RAP1GAP2: variants seen among roughly 807,000 people sequenced by gnomAD.
The protein encoded by RAP1GAP2 is RAP1 GTPase activating protein 2.
Under a neutral mutation model 95.0 loss-of-function variants are expected in RAP1GAP2, and 27 were observed. That is an observed-to-expected ratio of 0.28 (90% CI 0.21 to 0.39). The LOEUF (loss-of-function observed/expected upper bound fraction) is 0.39. Ranked by LOEUF, RAP1GAP2 falls within the 10% of genes least tolerant of loss-of-function variation. The probability of loss-of-function intolerance (pLI) is 1.00; values close to 1 mark genes in which losing one functional copy is unlikely to be tolerated. For synonymous variants in RAP1GAP2, 373 were observed against 380.9 expected (o/e 0.98, Z 0.24); for missense variants, 771 against 970.0 (o/e 0.79, Z 2.72).
intron 2 of RAP1GAP2, among the ~76,000 whole-genome samples, chr17:2,900,554 G>T (rs2041994603): frequency 6.6e-6 from 1 of 151,952 alleles, no homozygotes; most frequent in African/African-American, 2.4e-5. Context: ...CGATTCTCCT[G>T]CCTCAGCCTC....
rs570839492 is a variant in RAP1GAP2 at position 2,953,919 on chromosome 17, C to G, written c.166-3840C>G. On this transcript the variant is annotated intron_variant, in intron 3 of 24. Transcript: ENST00000254695. ...GGTATTCACGGAGCTGTGTAACCACCATCATAATCAGTTTTAGAACCTTTT... is the reference window on the plus strand; with the variant it reads ...GGTATTCACGGAGCTGTGTAACCACGATCATAATCAGTTTTAGAACCTTTT... Among the ~76,000 whole-genome samples the G allele has an allele frequency of 2.6e-5, 4 of 152,246 alleles. No homozygotes were observed. In the South Asian group the frequency reaches 8.3e-4, roughly 32 times the overall value.
chr17:2,917,544 A>G (rs1319648097), intron 3 of RAP1GAP2, among the ~76,000 whole-genome samples: 2 of 151,962 alleles, frequency 1.3e-5, no homozygotes, highest in Admixed American at 6.6e-5. Flanking sequence ...TGCTGGGATT[A>G]TAAGTGTGAG....
intron 2 of RAP1GAP2, among the ~76,000 whole-genome samples, chr17:2,840,140 G>A (rs1192357622): frequency 6.6e-6 from 1 of 151,864 alleles, no homozygotes; most frequent in Non-Finnish European, 1.5e-5. Context: ...CCATTGTAAA[G>A]TTATTCTTTA....
chr17:3,015,979 G>C (rs1336667525), intron 17 of RAP1GAP2, among the ~76,000 whole-genome samples: 1 of 152,138 alleles, frequency 6.6e-6, no homozygotes, highest in Non-Finnish European at 1.5e-5. Flanking sequence ...TAGTCCTTCT[G>C]CATCAGCTTT....
At chr17:2,919,629 T>TG (rs1248637116) in intron 3 of RAP1GAP2, among the ~76,000 whole-genome samples, 1 of 152,152 alleles carries the variant, frequency 6.6e-6, no homozygotes, top group Non-Finnish European at 1.5e-5. Flanking sequence ...GCCCATGGTC[T>TG]GGGGGGTCTG....
At chr17:2,952,710 T>C (rs2043961083) in intron 3 of RAP1GAP2, among the ~76,000 whole-genome samples, 1 of 152,212 alleles carries the variant, frequency 6.6e-6, no homozygotes, top group Admixed American at 6.6e-5. Context: ...GATCTTAATT[T>C]CTTTCATAAC....
chr17:2,818,102 C>A (rs1204896919), intron 2 of RAP1GAP2, among the ~76,000 whole-genome samples: 1 of 145,790 alleles, frequency 6.9e-6, no homozygotes, highest in Non-Finnish European at 1.5e-5. Flanking sequence ...TCCTAAAGTG[C>A]TGGGATTACA....
At chr17:2,962,791 C>A in intron 5 of RAP1GAP2, 77 bp downstream of exon 5, 1 of 1,364,604 alleles carries the variant, frequency 7.3e-7, no homozygotes, top group South Asian at 1.4e-5. Context: ...GAGGGGCTGC[C>A]GGGATGCTGG....
chr17:2,768,058 A>G (rs1009642249), intron 1 of RAP1GAP2, among the ~76,000 whole-genome samples: 1 of 152,044 alleles, frequency 6.6e-6, no homozygotes, highest in Non-Finnish European at 1.5e-5. Flanking sequence ...TTATTTCTTT[A>G]TTATAATTTA....
chr17:2,804,098 G>C (rs1385828576), intron 2 of RAP1GAP2, among the ~76,000 whole-genome samples: 2 of 152,158 alleles, frequency 1.3e-5, no homozygotes, highest in South Asian at 2.1e-4. Flanking sequence ...TGCCTTTGCT[G>C]GGTGAGGCAT....
In RAP1GAP2 at chr17:3,035,415, T is replaced by C. The variant is rs959190958; in HGVS notation, c.*2054T>C. ...TCTGGGGTCCTTTGGGGTTTCCAGG[T>C]TGTCACCATGCTGTCCCATTTGGGA... On this transcript the variant is annotated 3_prime_UTR_variant, in exon 25 of 25. Transcript: ENST00000254695. The surrounding 1 kb of genome is among the most constrained non-coding windows in gnomAD (Gnocchi z 4.3). 11 of 152,322 alleles carry C rather than the reference T, an allele frequency of 7.2e-5. No individual in the cohort carries two copies. Among genetic ancestry groups the C allele is most frequent in the African/African-American group, 1.9e-4 (8 of 41,440 alleles). 9.4% of individuals were successfully genotyped at this position (152,322 alleles called of 1,614,324 possible). A position where few individuals can be genotyped will look rare whatever the true frequency, so the allele number is the denominator to read the frequency against.
rs2047174312 is a variant in RAP1GAP2 at position 3,027,794 on chromosome 17, GGA to G, written c.2107+728_2107+729del. On this transcript the variant is annotated intron_variant, in intron 22 of 24. Coordinates refer to ENST00000254695, the MANE Select transcript of RAP1GAP2 (RefSeq NM_015085.5). This position sits in a 1 kb window ranked among gnomAD's most constrained non-coding sequence, Gnocchi z 5.2. ...GCAGAGGGGAGGGATGGAGGGGAGGGGAGAGGAGGGGAGGGGAGCTGCGGCAG... is the reference window on the plus strand; with the variant it reads ...GCAGAGGGGAGGGATGGAGGGGAGGGGAGGAGGGGAGGGGAGCTGCGGCAG... Among the ~76,000 whole-genome samples the G allele has an allele frequency of 7.0e-6, 1 of 143,528 alleles. No homozygotes were observed. The highest frequency in any genetic ancestry group is 1.5e-5 in the Non-Finnish European group (1 of 65,732). The allele number at this position is 143,528 out of a possible 152,430, so 94.2% of individuals were successfully genotyped here.
rs1327703944 is a variant in RAP1GAP2, at chr17:2,884,813, CG to C, written c.81-20469del. ...TCACTCCTTGTCCTGATCTTCCTCA[CG>C]GAACTGTGCTTGGCAGAGGAAGTAA... On this transcript the variant is annotated intron_variant, in intron 2 of 24. Coordinates refer to ENST00000254695, the MANE Select transcript of RAP1GAP2 (RefSeq NM_015085.5). Among the ~76,000 whole-genome samples the C allele has an allele frequency of 2.0e-5, 3 of 152,280 alleles. No homozygotes were observed. In the East Asian group the frequency reaches 5.8e-4, roughly 29 times the overall value.
At chr17:2,992,062 G>T (rs7218482) in intron 12 of RAP1GAP2, among the ~76,000 whole-genome samples, 2 of 152,012 alleles carry the variant, frequency 1.3e-5, no homozygotes, top group Non-Finnish European at 2.9e-5. Context: ...CGCCGCGCCT[G>T]GCCTGAAATG....
chr17:2,850,816 C>T (rs1301354717), intron 2 of RAP1GAP2, among the ~76,000 whole-genome samples: 1 of 149,110 alleles, frequency 6.7e-6, no homozygotes, highest in African/African-American at 2.5e-5. Flanking sequence ...AATCCCAGAA[C>T]TTGGGAGGCC....
At chr17:2,947,269 T>TG (rs2043732646) in intron 3 of RAP1GAP2, among the ~76,000 whole-genome samples, 1 of 66,240 alleles carries the variant, frequency 1.5e-5, no homozygotes. Context: ...GCGGGGGTGG[T>TG]GGGGGGAGAC....
At chr17:2,859,717 T>G (rs1297508354) in intron 2 of RAP1GAP2, among the ~76,000 whole-genome samples, 1 of 152,184 alleles carries the variant, frequency 6.6e-6, no homozygotes, top group Non-Finnish European at 1.5e-5. Flanking sequence ...ATTATAGGTG[T>G]GAGCCGCTGT....
At chr17:2,886,226 G>A (rs1383047833) in intron 2 of RAP1GAP2, among the ~76,000 whole-genome samples, 1 of 148,500 alleles carries the variant, frequency 6.7e-6, no homozygotes, top group Non-Finnish European at 1.5e-5. Context: ...AGGCTGGAGT[G>A]CAGTGGTGCG....
At chr17:2,959,834 T>C (rs1329043332) in intron 4 of RAP1GAP2, among the ~76,000 whole-genome samples, 1 of 152,118 alleles carries the variant, frequency 6.6e-6, no homozygotes, top group African/African-American at 2.4e-5. Flanking sequence ...ATAAAGATAA[T>C]ACCCATTGTG....
Sources: gnomAD v4.1 joint callset for allele counts (sites outside exome capture counted in the v4.1 genomes callset) on GRCh38, gnomAD v4.1.1 for gene constraint, Gnocchi (gnomAD v3.1) non-coding constraint, MANE v1.5 for transcripts, NCBI Gene and HGNC (gene_info 2026-07-23, HGNC 2026-07-21) for gene names.